Variants in CSMD1 observed in about 807,000 individuals in gnomAD.
CSMD1 encodes the protein CUB and Sushi multiple domains 1.
A neutral mutation model predicts 417.5 loss-of-function variants in CSMD1; 213 were observed. The observed-to-expected ratio is 0.51, with a 90% CI of 0.46 to 0.57. The LOEUF is 0.57. Among genes scored for constraint, CSMD1 ranks in the 20% least tolerant of loss-of-function variants. The probability of loss-of-function intolerance (pLI) is 0.00; values close to 1 mark genes in which losing one functional copy is unlikely to be tolerated. For missense variants in CSMD1, 6,923 were observed against 4,529.7 expected, an observed-to-expected ratio of 1.53 and a Z score of -15.17; for synonymous variants, 2,862 against 1,736.8, an observed-to-expected ratio of 1.65 and a Z score of -16.11.
At chr8:4,786,859 A>G (rs1797426503) in intron 1 of CSMD1, among the ~76,000 whole-genome samples, 1 of 152,232 alleles carries the variant, frequency 6.6e-6, no homozygotes, top group Non-Finnish European at 1.5e-5. Context: ...TACTTCCAAG[A>G]AAATAGTAAT....
At position 2,999,471 on chromosome 8, in the gene CSMD1, G is replaced by A. The variant is rs1217881056; in HGVS notation, c.8203+487C>T. ...GCCTGGCCAATTTTACCTCTTTCAAGTAAAAGAAAGAATGCTTACAAAACT... is the reference window on the plus strand; with the variant it reads ...GCCTGGCCAATTTTACCTCTTTCAAATAAAAGAAAGAATGCTTACAAAACT... On this transcript the variant is annotated intron_variant, in intron 53 of 69. Transcript: ENST00000635120. Among the ~76,000 whole-genome samples, 5 of 152,048 alleles carry A rather than the reference G, an allele frequency of 3.3e-5. No homozygotes were observed. In the East Asian group the frequency reaches 9.7e-4, roughly 29 times the overall value.
chr8:4,549,370 A>G (rs192643942), intron 2 of CSMD1, among the ~76,000 whole-genome samples: 1 of 152,318 alleles, frequency 6.6e-6, no homozygotes, highest in East Asian at 1.9e-4. Flanking sequence ...AATGGGGTAT[A>G]TTGGTTAACC....
intron 1 of CSMD1, among the ~76,000 whole-genome samples, chr8:4,972,829 A>G (rs1209671131): frequency 6.6e-6 from 1 of 152,136 alleles, no homozygotes; most frequent in Admixed American, 6.6e-5. Flanking sequence ...TATTTCCTGA[A>G]TATTGCCCAG....
intron 3 of CSMD1, among the ~76,000 whole-genome samples, chr8:4,211,728 G>T (rs1188500755): frequency 6.6e-6 from 1 of 152,138 alleles, no homozygotes. Context: ...TGCAAGTGGG[G>T]AGTTGACAAA....
chr8:4,892,332 C>T (rs1047307696), intron 1 of CSMD1, among the ~76,000 whole-genome samples: 6 of 151,986 alleles, frequency 3.9e-5, no homozygotes, highest in East Asian at 3.9e-4. Context: ...ACTTAGGTGA[C>T]GAAGCCATCT....
intron 3 of CSMD1, among the ~76,000 whole-genome samples, chr8:4,088,314 G>C (rs560741637): frequency 6.6e-6 from 1 of 152,304 alleles, no homozygotes; most frequent in East Asian, 1.9e-4. Context: ...CAAAGCTAGA[G>C]TTCACTTTTG....
intron 26 of CSMD1, among the ~76,000 whole-genome samples, chr8:3,246,532 C>T (rs1208672127): frequency 2.0e-5 from 3 of 152,156 alleles, no homozygotes; most frequent in African/African-American, 7.2e-5. Flanking sequence ...TGTGCAGTGA[C>T]TCAGTCTGGG....
chr8:3,805,236 A>G (rs890504129), intron 5 of CSMD1, among the ~76,000 whole-genome samples: 1 of 152,172 alleles, frequency 6.6e-6, no homozygotes, highest in East Asian at 1.9e-4. Context: ...CACCAGCATC[A>G]CAAGGGAACC....
chr8:4,457,827 G>A (rs12675246), intron 2 of CSMD1, among the ~76,000 whole-genome samples: 1 of 152,028 alleles, frequency 6.6e-6, no homozygotes, highest in South Asian at 2.1e-4. Flanking sequence ...CACCCTTGCA[G>A]ACAGCTTTGC....
intron 3 of CSMD1, among the ~76,000 whole-genome samples, chr8:4,175,669 G>C (rs528257256): frequency 2.0e-5 from 3 of 152,066 alleles, no homozygotes; most frequent in Non-Finnish European, 2.9e-5. Context: ...TAAAGGTAAA[G>C]AAACTACATA....
At chr8:3,990,692 C>G (rs1180658935) in intron 5 of CSMD1, among the ~76,000 whole-genome samples, 1 of 152,138 alleles carries the variant, frequency 6.6e-6, no homozygotes, top group Non-Finnish European at 1.5e-5. Context: ...GTGAAGAAAT[C>G]TCAAATTCAG....
At chr8:4,514,124 A>G (rs1802983468) in intron 2 of CSMD1, among the ~76,000 whole-genome samples, 1 of 152,134 alleles carries the variant, frequency 6.6e-6, no homozygotes, top group Non-Finnish European at 1.5e-5. Flanking sequence ...TTCTAGATCA[A>G]GATTCACACA....
rs543354695 is a variant in CSMD1 at position 3,093,925 on chromosome 8, C to T, written c.7139-2263G>A. On this transcript the variant is annotated intron_variant, in intron 47 of 69. Coordinates refer to ENST00000635120, the MANE Select transcript of CSMD1 (RefSeq NM_033225.6). ...AAAAGAGTGGCTGGTATTTCATAAT[C>T]AAAGACAAAGCGTGTTTGGTATGTT... Among the ~76,000 whole-genome samples the T allele has an allele frequency of 5.9e-5, 9 of 152,146 alleles. 1 individual carries two copies. The South Asian group carries it at 1.9e-3, about 32-fold the overall frequency.
At chr8:3,499,636 T>C (rs1447651111) in intron 10 of CSMD1, among the ~76,000 whole-genome samples, 3 of 151,950 alleles carry the variant, frequency 2.0e-5, no homozygotes, top group Non-Finnish European at 4.4e-5. Context: ...GCATGCACTT[T>C]GGCTCCCCCT....
At chr8:3,387,825 A>C in intron 17 of CSMD1, 143 bp from the exon 18 acceptor site, 1 of 645,872 alleles carries the variant, frequency 1.5e-6, no homozygotes, top group Non-Finnish European at 2.6e-6. Flanking sequence ...ATCCATGGAC[A>C]TAAAAGCCAA....
intron 41 of CSMD1, among the ~76,000 whole-genome samples, chr8:3,125,133 T>C (rs1351403476): frequency 1.3e-5 from 2 of 152,254 alleles, no homozygotes; most frequent in Non-Finnish European, 2.9e-5. Context: ...TAAAGGACTA[T>C]ATTAGGAGTC....
chr8:4,828,167 A>G (rs1799943410), intron 1 of CSMD1, among the ~76,000 whole-genome samples: 1 of 152,182 alleles, frequency 6.6e-6, no homozygotes, highest in Admixed American at 6.5e-5. Flanking sequence ...CATCCCACAA[A>G]TACAGAGCTC....
At chr8:3,132,754 C>T (rs1382623888) in intron 41 of CSMD1, among the ~76,000 whole-genome samples, 1 of 152,132 alleles carries the variant, frequency 6.6e-6, no homozygotes. Context: ...CATTCCTTCC[C>T]TCACTCTCTC....
chr8:4,228,324 C>A (rs907448494), intron 3 of CSMD1, among the ~76,000 whole-genome samples: 1 of 152,150 alleles, frequency 6.6e-6, no homozygotes, highest in South Asian at 2.1e-4. Context: ...GTGTTTTATT[C>A]TCTGTCTCTA....
Sources: allele counts gnomAD v4.1 joint callset (sites outside exome capture counted in the v4.1 genomes callset), GRCh38; gene constraint gnomAD v4.1.1; transcripts MANE v1.5; gene names NCBI Gene and HGNC (gene_info 2026-07-23, HGNC 2026-07-21).